NCOA2: variants seen among roughly 807,000 people sequenced by gnomAD.
NCOA2 encodes the protein class E basic helix-loop-helix protein 75.
Under a neutral mutation model 145.1 loss-of-function variants are expected in NCOA2, and 21 were observed. The ratio of observed to expected loss-of-function variants is 0.14; its 90% CI spans 0.10 to 0.21. The LOEUF (loss-of-function observed/expected upper bound fraction) is 0.21, where lower values mean the gene tolerates loss of function less well. Ranked by LOEUF, NCOA2 falls within the 10% of genes least tolerant of loss-of-function variation. The probability of loss-of-function intolerance (pLI) is 1.00; values close to 1 mark genes in which losing one functional copy is unlikely to be tolerated. For missense variants in NCOA2, 1,472 were observed against 1,837.6 expected, an observed-to-expected ratio of 0.80 and a Z score of 3.64; for synonymous variants, 619 against 637.5, an observed-to-expected ratio of 0.97 and a Z score of 0.44.
chr8:70,399,391 GT>G (rs1340227252), intron 1 of NCOA2, among the ~76,000 whole-genome samples: 1 of 152,074 alleles, frequency 6.6e-6, no homozygotes, highest in African/African-American at 2.4e-5. Context: ...AAAACTGAAG[GT>G]TTTGTTCCAT....
At chr8:70,214,097 T>G in intron 3 of NCOA2, 22 bp from the exon 4 acceptor site, 1 of 1,580,158 alleles carries the variant, frequency 6.3e-7, no homozygotes, top group African/African-American at 1.4e-5. Flanking sequence ...AAACACATTT[T>G]TATGATGTAT....
chr8:70,390,661 G>A (rs1014176659), intron 1 of NCOA2, among the ~76,000 whole-genome samples: 2 of 152,018 alleles, frequency 1.3e-5, no homozygotes, highest in Non-Finnish European at 2.9e-5. Flanking sequence ...CAGCTACTCA[G>A]GAGGCAGAGG....
At chr8:70,140,075 C>A (rs1810209954) in intron 14 of NCOA2, among the ~76,000 whole-genome samples, 1 of 152,076 alleles carries the variant, frequency 6.6e-6, no homozygotes, top group African/African-American at 2.4e-5. Flanking sequence ...TTGTACAGAC[C>A]ATTAATTTTT....
At chr8:70,133,328 C>T (rs1303745108) in intron 15 of NCOA2, among the ~76,000 whole-genome samples, 1 of 150,940 alleles carries the variant, frequency 6.6e-6, no homozygotes, top group African/African-American at 2.4e-5. Flanking sequence ...AGGAATCCTT[C>T]TACCTCAGCC....
chr8:70,391,809 G>C (rs1288506668), intron 1 of NCOA2, among the ~76,000 whole-genome samples: 2 of 152,178 alleles, frequency 1.3e-5, no homozygotes, highest in African/African-American at 4.8e-5. Flanking sequence ...AAACAAAGCT[G>C]TAACAGCCAT....
intron 4 of NCOA2, among the ~76,000 whole-genome samples, chr8:70,193,064 T>TAA (rs397892713): frequency 0.099 from 8,560 of 86,320 alleles, 804 homozygotes; most frequent in African/African-American, 0.19. Context: ...GAGACTCTAT[T>TAA]AAAAAAAAAA....
At chr8:70,297,088 AC>A (rs1462911429) in intron 1 of NCOA2, among the ~76,000 whole-genome samples, 1 of 152,194 alleles carries the variant, frequency 6.6e-6, no homozygotes, top group Non-Finnish European at 1.5e-5. Context: ...TTATACTTTA[AC>A]TGCTTGTCTA....
At chr8:70,254,165 G>A (rs889181723) in intron 2 of NCOA2, among the ~76,000 whole-genome samples, 4 of 152,074 alleles carry the variant, frequency 2.6e-5, no homozygotes, top group Non-Finnish European at 5.9e-5. Flanking sequence ...TAATCATTAG[G>A]GAAATGCAAA....
Position 70,157,203 on chromosome 8 carries a change from C to T in NCOA2, c.1162G>A (p.Gly388Arg), listed in dbSNP as rs1812395823. Residue 388 changes from glycine to arginine, a missense_variant, in exon 11 of 23, where the codon GGA (glycine) becomes AGA (arginine). By Grantham distance (125) the Gly-to-Arg change is moderately radical (BLOSUM62 -2). This residue lies in a region of NCOA2 where 953 missense variants were observed against 1,062.1 expected (regional missense o/e 0.90). Transcript: ENST00000452400. ...NVCVMNPDLT[G>R]QTMGKPLNPI... ...TTCAGTGGCTTCCCCATCGTTTGTCCAGTCAGATCCGGATTCATCACACAC... is the reference window on the plus strand; with the variant it reads ...TTCAGTGGCTTCCCCATCGTTTGTCTAGTCAGATCCGGATTCATCACACAC... 6.3e-7 allele frequency: 1 copy of T among 1,581,706 alleles called. No homozygotes were observed. The highest frequency in any genetic ancestry group is 1.3e-5 in the African/African-American group (1 of 74,264).
intron 2 of NCOA2, among the ~76,000 whole-genome samples, chr8:70,287,601 T>C (rs890401936): frequency 4.6e-5 from 7 of 152,200 alleles, no homozygotes; most frequent in African/African-American, 1.7e-4. Flanking sequence ...ACCATGTTAA[T>C]AGAAAAGCTA....
chr8:70,148,073 C>A (rs1811308078), intron 12 of NCOA2, among the ~76,000 whole-genome samples, 200 bp downstream of exon 12: 1 of 152,066 alleles, frequency 6.6e-6, no homozygotes, highest in African/African-American at 2.4e-5. Flanking sequence ...TTAAATTAAC[C>A]CACAAGAGAA....
chr8:70,358,823 TATGTATATC>T (rs1809967403), intron 1 of NCOA2, among the ~76,000 whole-genome samples: 1 of 152,136 alleles, frequency 6.6e-6, no homozygotes, highest in South Asian at 2.1e-4. Context: ...GTGAAAACTA[TATGTATATC>T]ATAGTTGATA....
At chr8:70,354,863 A>G (rs16936940) in intron 1 of NCOA2, among the ~76,000 whole-genome samples, 6,913 of 152,324 alleles carry the variant, frequency 0.045, 261 homozygotes, top group East Asian at 0.16. Flanking sequence ...ATAAACTGTG[A>G]AAAAGCTGAT....
upstream of NCOA2, among the ~76,000 whole-genome samples, chr8:70,404,845 A>T (rs1814696678): frequency 6.6e-6 from 1 of 152,200 alleles, no homozygotes; most frequent in Admixed American, 6.5e-5. Flanking sequence ...TTGGAAAAGC[A>T]AGTTTTTTTT....
the NCOA2 span, among the ~76,000 whole-genome samples, chr8:70,433,065 T>G: frequency 6.6e-6 from 1 of 152,214 alleles, no homozygotes; most frequent in African/African-American, 2.4e-5. Flanking sequence ...GATATTTATA[T>G]TTTACTTGGT....
At chr8:70,225,297 T>C (rs931034808) in intron 2 of NCOA2, among the ~76,000 whole-genome samples, 1 of 152,070 alleles carries the variant, frequency 6.6e-6, no homozygotes, top group Non-Finnish European at 1.5e-5. Context: ...ACGCCTGTAA[T>C]CCCAGCATTT....
chr8:70,179,552 T>C (rs933571241), intron 4 of NCOA2, among the ~76,000 whole-genome samples: 3 of 152,218 alleles, frequency 2.0e-5, no homozygotes, highest in Non-Finnish European at 2.9e-5. Flanking sequence ...GTACCAGATA[T>C]AAATAAGCTT....
Position 70,234,497 on chromosome 8 carries a change from CT to C in NCOA2, c.-19-17734del, listed in dbSNP as rs34545007. On this transcript the variant is annotated intron_variant, in intron 2 of 22. Transcript: ENST00000452400. ...CTACCAGTAATAAACAAGGATTCCA[CT>C]TTTTTTTTCAAATCTTCCCCAAACC... is the stretch of plus-strand genomic sequence containing the variant. 1.5e-4 allele frequency among the ~76,000 whole-genome samples: 23 copies of C among 151,632 alleles called. No individual in the cohort carries two copies. The East Asian group carries it at 2.1e-3, about 14-fold the overall frequency.
intron 1 of NCOA2, among the ~76,000 whole-genome samples, chr8:70,351,119 C>G (rs1809147207): frequency 1.3e-5 from 2 of 152,176 alleles, no homozygotes; most frequent in Non-Finnish European, 2.9e-5. Flanking sequence ...GTCATGAGAG[C>G]AGAGCCCTCA....
Sources: allele counts gnomAD v4.1 joint callset (sites outside exome capture counted in the v4.1 genomes callset), GRCh38; gene constraint gnomAD v4.1.1; regional missense constraint gnomAD v4.1.1; transcripts MANE v1.5; gene names NCBI Gene and HGNC (gene_info 2026-07-23, HGNC 2026-07-21).